The following BCL2L11 variants were observed in gnomAD, a reference collection of about 807,000 sequenced individuals.
The protein encoded by BCL2L11 is bcl-2-like protein 11.
Under a neutral mutation model 20.6 loss-of-function variants are expected in BCL2L11, and 15 were observed. That is an observed-to-expected ratio of 0.73 (90% CI 0.49 to 1.12). BCL2L11 has a LOEUF of 1.12. Ranked by LOEUF, BCL2L11 falls within the 50% of genes most tolerant of loss-of-function variation. BCL2L11 has a pLI of 0.00. For missense variants in BCL2L11, 292 were observed against 260.9 expected (o/e 1.12, Z -0.82); for synonymous variants, 108 against 92.8 (o/e 1.16, Z -0.94).
intron 2 of BCL2L11, among the ~76,000 whole-genome samples, chr2:111,139,178 G>A (rs1263048585): frequency 6.6e-6 from 1 of 152,180 alleles, no homozygotes; most frequent in African/African-American, 2.4e-5. Flanking sequence ...GGAAGAGGAG[G>A]TCTGAATCAC....
At chr2:111,122,633 G>T (rs1559002492) in intron 1 of BCL2L11, 4 of 984,254 alleles carry the variant, frequency 4.1e-6, no homozygotes, top group Non-Finnish European at 4.8e-6. Flanking sequence ...AGCGCGAGGG[G>T]AGGAGCGGGA....
intron 3 of BCL2L11, chr2:111,161,548 T>C (rs1294067976): frequency 1.4e-5 from 22 of 1,544,366 alleles, no homozygotes; most frequent in Middle Eastern, 1.7e-4. Flanking sequence ...GATCCGCTTA[T>C]GGGTGTGTTT....
In BCL2L11 at chr2:111,120,944, G is replaced by C; in HGVS notation, c.-258G>C. 1 of 373,722 alleles carries C rather than the reference G, an allele frequency of 2.7e-6. No individual in the cohort carries two copies. The highest frequency in any genetic ancestry group is 5.5e-5 in the East Asian group (1 of 18,140). 23.2% of individuals were successfully genotyped at this position (373,722 alleles called of 1,614,324 possible). A position where few individuals can be genotyped will look rare whatever the true frequency, so the allele number is the denominator to read the frequency against. On this transcript the variant is annotated 5_prime_UTR_variant, in exon 1 of 4. Coordinates refer to ENST00000393256, the MANE Select transcript of BCL2L11 (RefSeq NM_138621.5). ...GCTCCGCGCAGCCGCCTGGTCTGCA[G>C]TTTGTTGGAGCTCTGCGTCCAGCGC...
chr2:111,127,588 C>T (rs1327357876), intron 2 of BCL2L11, among the ~76,000 whole-genome samples: 1 of 151,988 alleles, frequency 6.6e-6, no homozygotes, highest in Non-Finnish European at 1.5e-5. Context: ...GAGAGTCAGT[C>T]CAGCTCTGCC....
intron 3 of BCL2L11, chr2:111,161,302 G>C (rs1234186656): frequency 7.7e-7 from 1 of 1,297,558 alleles, no homozygotes; most frequent in African/African-American, 1.5e-5. Flanking sequence ...CATCTTCCCT[G>C]ATTGTATTTA....
intron 2 of BCL2L11, among the ~76,000 whole-genome samples, chr2:111,144,866 C>G (rs1361419425): frequency 1.3e-5 from 2 of 152,216 alleles, no homozygotes; most frequent in Non-Finnish European, 2.9e-5. Flanking sequence ...GACAGCCCTG[C>G]AATGTCTGAA....
chr2:111,150,131 C>A lies in BCL2L11; in HGVS notation c.482C>A (p.Ala161Asp). Residue 161 changes from alanine (A) to aspartate (D), a missense_variant, in exon 3 of 4, where the codon GCT becomes GAT. Transcript: ENST00000393256. ...CGGCGTATTGGAGACGAGTTTAACG[C>A]TTACTATGCAAGGAGGGTAATGATG... The part of the protein sequence containing the change: ...ELRRIGDEFN[A>D]YYARRVFLNN... 1 of 1,613,756 alleles carries A rather than the reference C, an allele frequency of 6.2e-7. No individual in the cohort carries two copies. The highest frequency in any genetic ancestry group is 1.1e-5 in the South Asian group (1 of 91,074).
At chr2:111,133,605 A>G (rs770312755) in intron 2 of BCL2L11, among the ~76,000 whole-genome samples, 4 of 152,118 alleles carry the variant, frequency 2.6e-5, no homozygotes, top group Non-Finnish European at 5.9e-5. Context: ...TCGGTTTACA[A>G]ATGTGTCGAG....
At chr2:111,122,437 G>A (rs991555132) in intron 1 of BCL2L11, among the ~76,000 whole-genome samples, 2 of 152,202 alleles carry the variant, frequency 1.3e-5, no homozygotes, top group African/African-American at 2.4e-5. Context: ...CACGGCCAGA[G>A]CAGCGCTCGG....
At chr2:111,126,500 T>G (rs149334517) in intron 2 of BCL2L11, among the ~76,000 whole-genome samples, 10 of 152,158 alleles carry the variant, frequency 6.6e-5, no homozygotes, top group African/African-American at 2.4e-4. Flanking sequence ...AGTGTTAAGT[T>G]TTTGGGAGAT....
intron 3 of BCL2L11, among the ~76,000 whole-genome samples, chr2:111,156,418 G>A (rs1189649064): frequency 2.1e-5 from 2 of 96,140 alleles, no homozygotes; most frequent in Non-Finnish European, 4.2e-5. Flanking sequence ...TCAGTGGCAC[G>A]GTTTTCATTC....
Position 111,161,479 on chromosome 2 carries a change from G to A in BCL2L11, c.499-2654G>A, listed in dbSNP as rs761777302. 1.5e-4 allele frequency: 238 copies of A among 1,550,156 alleles called. 2 individuals are homozygous for A. Among genetic ancestry groups the A allele is most frequent in the Middle Eastern group, 1.2e-3 (7 of 6,014 alleles). On this transcript the variant is annotated intron_variant, in intron 3 of 3. Coordinates refer to ENST00000393256, the MANE Select transcript of BCL2L11 (RefSeq NM_138621.5). ...GACGCAGACTTATTGGACACTAGGC[G>A]GGAGGCCAGCTCTGCAGACAGCAGG...
At chr2:111,124,875 C>T (rs996712553) in intron 2 of BCL2L11, among the ~76,000 whole-genome samples, 2 of 152,214 alleles carry the variant, frequency 1.3e-5, no homozygotes, top group Admixed American at 1.3e-4. Flanking sequence ...GGTTTGTTTT[C>T]TGCCTAAATT....
At chr2:111,132,053 C>T (rs2074058838) in intron 2 of BCL2L11, 1 of 152,146 alleles carries the variant, frequency 6.6e-6, no homozygotes, top group Non-Finnish European at 1.5e-5. Context: ...CTCCAGCTCC[C>T]AATCTGGCTC....
intron 3 of BCL2L11, among the ~76,000 whole-genome samples, chr2:111,157,841 A>T (rs1235711811): frequency 6.6e-6 from 1 of 152,246 alleles, no homozygotes; most frequent in African/African-American, 2.4e-5. Context: ...ATAGCAGATC[A>T]GCTGCAGCAC....
Position 111,123,785 on chromosome 2 carries a change from C to T in BCL2L11, c.40C>T (p.Arg14Ter). 6.9e-7 allele frequency: 1 copy of T among 1,448,884 alleles called. No homozygotes were observed. The highest frequency in any genetic ancestry group is 9.1e-7 in the Non-Finnish European group (1 of 1,096,208). 89.8% of individuals were successfully genotyped at this position (1,448,884 alleles called of 1,614,324 possible). ...QPSDVSSECD[R>*]EGRQLQPAER... Reference sequence around the variant, plus strand: ...TTCTGATGTAAGTTCTGAGTGTGACCGAGAAGGTAGACAATTGCAGCCTGC... The same window carrying T: ...TTCTGATGTAAGTTCTGAGTGTGACTGAGAAGGTAGACAATTGCAGCCTGC... The change falls in exon 2 of 4, where the codon CGA (arginine) becomes TGA (stop). Residue 14 changes from arginine (R) to a stop codon, truncating the protein, a stop_gained. Coordinates refer to ENST00000393256, the MANE Select transcript of BCL2L11 (RefSeq NM_138621.5). LOFTEE classifies it high-confidence loss of function.
chr2:111,133,266 C>T (rs955368814), intron 2 of BCL2L11, among the ~76,000 whole-genome samples: 1 of 152,188 alleles, frequency 6.6e-6, no homozygotes, highest in African/African-American at 2.4e-5. Flanking sequence ...GTGCATTCAC[C>T]TTGGAACTGC....
At chr2:111,128,623 A>C (rs1574931787) in intron 2 of BCL2L11, 1 of 1,461,570 alleles carries the variant, frequency 6.8e-7, no homozygotes, top group Non-Finnish European at 9.0e-7. Flanking sequence ...TTTTTTTTTA[A>C]CAGTAGTCAT....
chr2:111,144,959 C>G (rs1052593985), intron 2 of BCL2L11, among the ~76,000 whole-genome samples: 1 of 152,206 alleles, frequency 6.6e-6, no homozygotes, highest in Non-Finnish European at 1.5e-5. Flanking sequence ...AGAATGTGCA[C>G]TTTTTGGCTA....
Sources: allele counts gnomAD v4.1 joint callset (sites outside exome capture counted in the v4.1 genomes callset), GRCh38; gene constraint gnomAD v4.1.1; transcripts MANE v1.5; gene names NCBI Gene and HGNC (gene_info 2026-07-23, HGNC 2026-07-21).